Variants in SEC24D observed in about 807,000 individuals in gnomAD.
The protein encoded by SEC24D is protein transport protein Sec24D.
In SEC24D, 69 loss-of-function variants were observed where a neutral mutation model predicts 116.9. The ratio of observed to expected loss-of-function variants is 0.59; its 90% CI spans 0.49 to 0.72. SEC24D has a LOEUF of 0.72. Among genes scored for constraint, SEC24D ranks in the 30% least tolerant of loss-of-function variants. The probability of loss-of-function intolerance (pLI) is 0.00; values close to 1 mark genes in which losing one functional copy is unlikely to be tolerated. For missense variants in SEC24D, 1,131 were observed against 1,264.1 expected (o/e 0.89, Z 1.60); for synonymous variants, 405 against 442.8 (o/e 0.91, Z 1.07).
At chr4:118,826,962 C>A (rs1208490022) in intron 2 of SEC24D, among the ~76,000 whole-genome samples, 4 of 152,158 alleles carry the variant, frequency 2.6e-5, no homozygotes, top group African/African-American at 9.7e-5. Flanking sequence ...ATGACTGTTA[C>A]AATATGCAGA....
At position 118,731,438 on chromosome 4, in the gene SEC24D, C is replaced by A; in HGVS notation, c.2746G>T (p.Glu916Ter). Residue 916 changes from glutamate (E) to a stop codon, truncating the protein, a stop_gained, in exon 21 of 23, where the codon GAA (glutamate) becomes TAA (stop). Transcript: ENST00000280551. LOFTEE classifies it high-confidence loss of function. ...VRCSESRLSE[E>*]GIFLLANGLH... ...CCATTAGCCAGTAAGAATATTCCTT[C>A]TTCTGAAAGACGGGACTCAGAGCAA... 4 of 1,614,082 alleles carry A rather than the reference C, an allele frequency of 2.5e-6. No homozygotes were observed. Among genetic ancestry groups the A allele is most frequent in the Non-Finnish European group, 3.4e-6 (4 of 1,179,978 alleles).
chr4:118,816,862 A>G (rs1730174448), intron 4 of SEC24D: 1 of 453,726 alleles, frequency 2.2e-6, no homozygotes, highest in African/African-American at 2.0e-5. Flanking sequence ...TAAACACATA[A>G]TTAAAATGCA....
Position 118,731,365 on chromosome 4 carries a change from A to G in SEC24D, c.2819T>C (p.Ile940Thr), listed in dbSNP as rs1725675784. 1 of 1,613,992 alleles carries G rather than the reference A, an allele frequency of 6.2e-7. No homozygotes were observed. The highest frequency in any genetic ancestry group is 1.7e-5 in the Admixed American group (1 of 60,008). ...AGATGGCACATTAAATATTCCTTGG[A>G]TCAGTTCTGGTGGGCTGCTTACTCC... ...WLGVSSPPELIQGIFNVPSFA... is the reference protein window; with the variant it reads ...WLGVSSPPELTQGIFNVPSFA... The change falls in exon 21 of 23, where the codon ATC (isoleucine) becomes ACC (threonine). Residue 940 changes from isoleucine to threonine, a missense_variant. Coordinates refer to ENST00000280551, the MANE Select transcript of SEC24D (RefSeq NM_014822.4).
chr4:118,732,703 C>T (rs1725753055), intron 20 of SEC24D, 30 bp downstream of exon 20: 2 of 1,604,126 alleles, frequency 1.2e-6, no homozygotes, highest in African/African-American at 1.3e-5. Context: ...CCAGCCTCCT[C>T]TGGGAAATGC....
chr4:118,761,271 A>G (rs1365902471), intron 10 of SEC24D, among the ~76,000 whole-genome samples: 1 of 152,162 alleles, frequency 6.6e-6, no homozygotes, highest in East Asian at 1.9e-4. Context: ...CTGTTGACTG[A>G]GTGAATGAAT....
Position 118,817,275 on chromosome 4 carries a change from A to T in SEC24D, c.386T>A (p.Ile129Asn). The T allele has an allele frequency of 6.2e-7, 1 of 1,604,798 alleles. No homozygotes were observed. The highest frequency in any genetic ancestry group is 2.2e-5 in the East Asian group (1 of 44,728). The change falls in exon 4 of 23, where the codon ATC becomes AAC. Residue 129 changes from isoleucine to asparagine, a missense_variant. Coordinates refer to ENST00000280551, the MANE Select transcript of SEC24D (RefSeq NM_014822.4). ...QLGSQLSAMQ[I>N]NSYGSGMAPP... ...AATAAAACTATTACCATAGCTGTTG[A>T]TTTGCATAGCACTGAGCTGGCTGCC...
intron 4 of SEC24D, among the ~76,000 whole-genome samples, 156 bp downstream of exon 4, chr4:118,817,108 A>G (rs1730181017): frequency 6.6e-6 from 1 of 152,236 alleles, no homozygotes; most frequent in Admixed American, 6.5e-5. Flanking sequence ...AACTATAGCC[A>G]TACATAAGAT....
At chr4:118,813,133 A>G (rs1578465507) in intron 6 of SEC24D, among the ~76,000 whole-genome samples, 1 of 152,248 alleles carries the variant, frequency 6.6e-6, no homozygotes, top group East Asian at 1.9e-4. Flanking sequence ...AATCACATGT[A>G]TAAGAAAGAG....
chr4:118,796,214 A>G (rs771087507), intron 8 of SEC24D, among the ~76,000 whole-genome samples: 5 of 152,208 alleles, frequency 3.3e-5, no homozygotes, highest in Non-Finnish European at 5.9e-5. Context: ...CAATGTTGAA[A>G]ATAGCTTTGA....
chr4:118,768,317 G>C lies in SEC24D; in HGVS notation c.1042-6C>G, dbSNP rs117971741. ...TTTACCAAGTAAAGGGGACTCTATG[G>C]AGAAGCAAGAAAAATTAAATGAACA... On this transcript the variant is annotated splice_region_variant and splice_polypyrimidine_tract_variant and intron_variant, in intron 8 of 22. Transcript: ENST00000280551. The C allele has an allele frequency of 1.2e-3, 1,953 of 1,606,634 alleles. 43 individuals carry two copies. In the East Asian group the frequency reaches 0.034, roughly 28 times the overall value.
intron 7 of SEC24D, among the ~76,000 whole-genome samples, chr4:118,800,972 T>TA (rs923670596): frequency 6.6e-6 from 1 of 151,836 alleles, no homozygotes; most frequent in Admixed American, 6.6e-5. Context: ...TAGTCAGGGT[T>TA]AAAAAAAGGC....
intron 19 of SEC24D, chr4:118,735,714 T>A (rs1347689910): frequency 6.8e-6 from 1 of 147,704 alleles, no homozygotes; most frequent in East Asian, 2.0e-4. Flanking sequence ...TTTTTAAAGA[T>A]ACAGGGTCTC....
intron 8 of SEC24D, among the ~76,000 whole-genome samples, chr4:118,775,196 C>CT (rs1728073396): frequency 6.6e-6 from 1 of 152,082 alleles, no homozygotes; most frequent in Non-Finnish European, 1.5e-5. Flanking sequence ...CCATGACTCA[C>CT]AGGTCCAGCC....
chr4:118,752,464 G>T (rs1726888399), intron 12 of SEC24D, among the ~76,000 whole-genome samples: 1 of 152,166 alleles, frequency 6.6e-6, no homozygotes, highest in Non-Finnish European at 1.5e-5. Context: ...GAACCAATAG[G>T]GCTGAATGTG....
rs1560737021 is a variant in SEC24D at position 118,810,117 on chromosome 4, TG to T, written c.802-4164del. Among the ~76,000 whole-genome samples, 512 of 147,682 alleles carry T rather than the reference TG, an allele frequency of 3.5e-3. 11 individuals are homozygous for T. The highest frequency in any genetic ancestry group is 0.012 in the African/African-American group (483 of 40,510). On this transcript the variant is annotated intron_variant, in intron 6 of 22. Transcript: ENST00000280551. Reference sequence around the variant, plus strand: ...GTGTGTGTGTGTGTGTGTGTGTGTGTGTGTGTGTGTGTGTGTGTGTCAGAGG... The same window carrying T: ...GTGTGTGTGTGTGTGTGTGTGTGTGTTGTGTGTGTGTGTGTGTGTCAGAGG...
intron 2 of SEC24D, among the ~76,000 whole-genome samples, chr4:118,828,149 C>A (rs758870034): frequency 2.0e-5 from 3 of 151,836 alleles, no homozygotes; most frequent in Non-Finnish European, 4.4e-5. Context: ...CGCTCAGTCT[C>A]CCAGGCTGGA....
At chr4:118,797,032 CAG>C (rs1362144100) in intron 8 of SEC24D, among the ~76,000 whole-genome samples, 5 of 152,164 alleles carry the variant, frequency 3.3e-5, no homozygotes, top group Non-Finnish European at 5.9e-5. Flanking sequence ...ATTCATCACT[CAG>C]GGGCATCAAA....
intron 19 of SEC24D, 68 bp from the exon 20 acceptor site, chr4:118,732,980 G>A (rs570296227): frequency 1.5e-6 from 2 of 1,323,698 alleles, no homozygotes; most frequent in African/African-American, 2.9e-5. Context: ...AGCTTCATCT[G>A]TAAGACTGAA....
At position 118,744,091 on chromosome 4, in the gene SEC24D, G is replaced by T; in HGVS notation, c.1892C>A (p.Ser631Tyr). 6.2e-7 allele frequency: 1 copy of T among 1,613,444 alleles called. No individual in the cohort carries two copies. Among genetic ancestry groups the T allele is most frequent in the East Asian group, 2.2e-5 (1 of 44,784 alleles). ...ACTAGGAAAGAGGAAGAGTGTCACA[G>T]AGCAGCCGTGAGCCACGCAGTCCTT... is the stretch of plus-strand genomic sequence containing the variant. ...LAKDCVAHGCSVTLFLFPSQY... is the reference protein window; with the variant it reads ...LAKDCVAHGCYVTLFLFPSQY... Residue 631 changes from serine to tyrosine, a missense_variant, in exon 15 of 23, where the codon TCT (serine) becomes TAT (tyrosine). Transcript: ENST00000280551.
Sources: gnomAD v4.1 joint callset for allele counts (sites outside exome capture counted in the v4.1 genomes callset) on GRCh38, gnomAD v4.1.1 for gene constraint, MANE v1.5 for transcripts, NCBI Gene and HGNC (gene_info 2026-07-23, HGNC 2026-07-21) for gene names.